The following RIF1 variants were observed in gnomAD, a reference collection of about 807,000 sequenced individuals.
RIF1 encodes telomere-associated protein RIF1.
RIF1 carries 45 observed loss-of-function variants against 247.1 expected under a neutral mutation model. The ratio of observed to expected loss-of-function variants is 0.18; its 90% CI spans 0.14 to 0.23. RIF1 has a LOEUF of 0.23. RIF1 is among the 10% of genes least tolerant of loss of function. RIF1 has a pLI of 1.00. For synonymous variants in RIF1, 1,087 were observed against 978.8 expected (o/e 1.11, Z -2.06); for missense variants, 2,967 against 2,862.5 (o/e 1.04, Z -0.83).
At chr2:151,517,587 TCA>T in the RIF1 span, among the ~76,000 whole-genome samples, 343 of 152,304 alleles carry the variant, frequency 2.3e-3, 7 homozygotes, top group East Asian at 0.044. Context: ...TGTGTGAACA[TCA>T]CAGAGTACAC....
rs555419306 is a variant in RIF1 at position 151,506,369 on chromosome 2, T to C, written c.*1021T>C. On this transcript the variant is annotated 3_prime_UTR_variant and NMD_transcript_variant, in exon 13 of 14. Transcript: ENST00000454583. ...TGTGAAAACAAGACACTAGACGATG[T>C]TCCCAGGCAAGTGCCAGAGCATCGC... 2.8e-4 allele frequency: 226 copies of C among 797,172 alleles called. No homozygotes were observed. In the African/African-American group the frequency reaches 3.3e-3, roughly 12 times the overall value. 49.4% of individuals were successfully genotyped at this position (797,172 alleles called of 1,614,324 possible). A position where few individuals can be genotyped will look rare whatever the true frequency, so the allele number is the denominator to read the frequency against.
At chr2:151,468,591 A>G (rs776965759) in intron 32 of RIF1, 40 bp downstream of exon 32, 262 of 1,603,204 alleles carry the variant, frequency 1.6e-4, no homozygotes, top group Non-Finnish European at 2.1e-4. Context: ...TTATATTTTC[A>G]TGTTCAGTCA....
At chr2:151,503,317 A>C in intron 12 of RIF1, 4 of 1,484,220 alleles carry the variant, frequency 2.7e-6, no homozygotes, top group Non-Finnish European at 3.7e-6. Flanking sequence ...TTTTATGGGA[A>C]ATAGTTTCTT....
Position 151,455,021 on chromosome 2 carries a change from C to G in RIF1, c.2471C>G (p.Ser824Cys). Residue 824 changes from serine (S) to cysteine (C), a missense_variant, in exon 22 of 36, where the codon TCT becomes TGT. This residue lies in a region of RIF1 where 2,028 missense variants were observed against 1,825.6 expected (regional missense o/e 1.11). Coordinates refer to ENST00000444746, the MANE Select transcript of RIF1 (RefSeq NM_018151.5). Reference sequence around the variant, plus strand: ...ACACTGAGCTTCAAGGAAGCACATTCTGATACCCTCTTCACTATTGGCAAC... The same window carrying G: ...ACACTGAGCTTCAAGGAAGCACATTGTGATACCCTCTTCACTATTGGCAAC... ...FHTLSFKEAHSDTLFTIGNSI... is the reference protein window; with the variant it reads ...FHTLSFKEAHCDTLFTIGNSI... The G allele has an allele frequency of 6.2e-7, 1 of 1,613,878 alleles. No homozygotes were observed. Among genetic ancestry groups the G allele is most frequent in the Non-Finnish European group, 8.5e-7 (1 of 1,179,826 alleles).
intron 33 of RIF1, 107 bp downstream of exon 33, chr2:151,468,863 TCA>T (rs779827043): frequency 9.6e-5 from 74 of 773,834 alleles, no homozygotes; most frequent in Non-Finnish European, 1.4e-4. Context: ...GCATGTACTC[TCA>T]CACACATTTT....
chr2:151,497,834 C>G, intron 10 of RIF1: 1 of 1,523,872 alleles, frequency 6.6e-7, no homozygotes, highest in South Asian at 1.3e-5. Flanking sequence ...TATATGCTGA[C>G]AAAATGCCAC....
intron 9 of RIF1, chr2:151,494,238 T>C: frequency 6.3e-7 from 1 of 1,599,770 alleles, no homozygotes; most frequent in Non-Finnish European, 8.5e-7. Flanking sequence ...TTCCCCACAT[T>C]TTCTTTGTAC....
At chr2:151,483,259 C>T (rs1049690545), downstream of RIF1, 2 of 152,022 alleles carry the variant, frequency 1.3e-5, no homozygotes, top group African/African-American at 2.4e-5. Context: ...AAGGACTTCC[C>T]TAGTATCGTT....
chr2:151,497,608 C>CT, intron 10 of RIF1: 1 of 1,549,932 alleles, frequency 6.5e-7, no homozygotes, highest in Non-Finnish European at 8.7e-7. Flanking sequence ...TAGTTTTTTT[C>CT]TTTTCTTGCC....
At position 151,473,601 on chromosome 2, in the gene RIF1, T is replaced by A. The variant is rs542880908; in HGVS notation, c.7096-363T>A. 1.2e-3 allele frequency among the ~76,000 whole-genome samples: 178 copies of A among 152,148 alleles called. 1 individual carries two copies. The highest frequency in any genetic ancestry group is 2.8e-3 in the African/African-American group (118 of 41,518). On this transcript the variant is annotated intron_variant, in intron 34 of 35. Transcript: ENST00000444746. ...AGCCAGAAAATTGTGTTCTTTTTTT[T>A]AAAAAAATTCTATATTTTATTTAAG...
intron 29 of RIF1, 33 bp downstream of exon 29, chr2:151,462,499 A>G (rs909282003): frequency 1.5e-6 from 2 of 1,370,906 alleles, no homozygotes; most frequent in East Asian, 2.4e-5. Context: ...TGGGCTTTTT[A>G]GAATCACCCT....
chr2:151,488,490 A>G (rs1427766013), intron 9 of RIF1, among the ~76,000 whole-genome samples: 1 of 151,826 alleles, frequency 6.6e-6, no homozygotes, highest in East Asian at 1.9e-4. Flanking sequence ...AAAAAAAAAA[A>G]AAAAAAATTA....
chr2:151,412,736 G>A (rs1211013633), intron 3 of RIF1, among the ~76,000 whole-genome samples: 2 of 152,122 alleles, frequency 1.3e-5, no homozygotes, highest in African/African-American at 4.8e-5. Flanking sequence ...ACCCGCCTTG[G>A]CCTCTCAGAG....
At position 151,412,937 on chromosome 2, in the gene RIF1, T is replaced by A. The variant is rs564977785; in HGVS notation, c.183+1599T>A. ...TTTATTGTGTGCTAGTTACTTAATA[T>A]CAGTGTTTATTCCATTTTCTTCATT... On this transcript the variant is annotated intron_variant, in intron 3 of 35. Coordinates refer to ENST00000444746, the MANE Select transcript of RIF1 (RefSeq NM_018151.5). Among the ~76,000 whole-genome samples, 18 of 152,330 alleles carry A rather than the reference T, an allele frequency of 1.2e-4. No homozygotes were observed. In the South Asian group the frequency reaches 3.7e-3, roughly 32 times the overall value.
At chr2:151,525,143 T>A in the RIF1 span, 1 of 1,553,418 alleles carries the variant, frequency 6.4e-7, no homozygotes, top group Non-Finnish European at 8.9e-7. Flanking sequence ...CCCCCAAGAG[T>A]GTTGAGAGGG....
rs920847217 is a variant in RIF1 at position 151,476,279 on chromosome 2, T to G, written c.*1208T>G. On this transcript the variant is annotated 3_prime_UTR_variant, in exon 36 of 36. Coordinates refer to ENST00000444746, the MANE Select transcript of RIF1 (RefSeq NM_018151.5). Reference sequence around the variant, plus strand: ...AAACTTGGAAGAAATTTGAAACTGATGTTTTTAATATATGTCTGTGTTGCC... The same window carrying G: ...AAACTTGGAAGAAATTTGAAACTGAGGTTTTTAATATATGTCTGTGTTGCC... 6.6e-6 allele frequency: 1 copy of G among 152,218 alleles called. No homozygotes were observed. The highest frequency in any genetic ancestry group is 2.4e-5 in the African/African-American group (1 of 41,456). 9.4% of individuals were successfully genotyped at this position (152,218 alleles called of 1,614,324 possible).
chr2:151,527,580 G>A, the RIF1 span: 17 of 1,610,560 alleles, frequency 1.1e-5, no homozygotes, highest in Non-Finnish European at 1.4e-5. Flanking sequence ...GTTTCTTATA[G>A]TCCAGCTGTT....
At chr2:151,505,199 C>T (rs562819573) in intron 12 of RIF1, among the ~76,000 whole-genome samples, 2 of 152,226 alleles carry the variant, frequency 1.3e-5, no homozygotes, top group African/African-American at 2.4e-5. Flanking sequence ...ACTTTGGAAA[C>T]GAATGGCATG....
At chr2:151,441,425 A>T (rs1403706097) in intron 15 of RIF1, among the ~76,000 whole-genome samples, 2 of 152,236 alleles carry the variant, frequency 1.3e-5, no homozygotes, top group African/African-American at 4.8e-5. Flanking sequence ...AAAATGGTTG[A>T]ATAAATAATG....
Sources: allele counts gnomAD v4.1 joint callset (sites outside exome capture counted in the v4.1 genomes callset), GRCh38; gene constraint gnomAD v4.1.1; regional missense constraint gnomAD v4.1.1; transcripts MANE v1.5; gene names NCBI Gene and HGNC (gene_info 2026-07-23, HGNC 2026-07-21).